Variants in LRRK2 observed in about 807,000 individuals in gnomAD.
The protein encoded by LRRK2 is leucine-rich repeat serine/threonine-protein kinase 2.
A neutral mutation model predicts 302.6 loss-of-function variants in LRRK2; 203 were observed. The ratio of observed to expected loss-of-function variants is 0.67; its 90% CI spans 0.60 to 0.75. LRRK2 has a LOEUF of 0.75. Among genes scored for constraint, LRRK2 ranks in the 30% least tolerant of loss-of-function variants. The pLI is 0.00. For synonymous variants in LRRK2, 1,066 were observed against 1,031.9 expected (o/e 1.03, Z -0.63); for missense variants, 2,830 against 2,951.0 (o/e 0.96, Z 0.95).
At chr12:40,359,610 A>G (rs1374548894) in intron 47 of LRRK2, among the ~76,000 whole-genome samples, 166 bp downstream of exon 47, 2 of 152,192 alleles carry the variant, frequency 1.3e-5, no homozygotes, top group Admixed American at 6.5e-5. Context: ...TGAAAATTCC[A>G]GAAAGCAGAA....
chr12:40,354,389 A>G lies in LRRK2; in HGVS notation c.6667A>G (p.Thr2223Ala), dbSNP rs972191294. Reference protein sequence around the residue: ...SWIVSGTQSGTLLVINTEDGK... With the variant: ...SWIVSGTQSGALLVINTEDGK... Reference sequence around the variant, plus strand: ...GATTGTGTCTGGGACACAGTCTGGTACTCTCCTGGTCATCAATACCGAAGA... The same window carrying G: ...GATTGTGTCTGGGACACAGTCTGGTGCTCTCCTGGTCATCAATACCGAAGA... Residue 2223 changes from threonine (T) to alanine (A), a missense_variant, in exon 45 of 51, where the codon ACT (threonine) becomes GCT (alanine). By Grantham distance (58) the Thr-to-Ala change is moderately conservative (BLOSUM62 0). This residue lies in a region of LRRK2 where 456 missense variants were observed against 456.3 expected (regional missense o/e 1.00). Transcript: ENST00000298910. 3 of 1,613,994 alleles carry G rather than the reference A, an allele frequency of 1.9e-6. No individual in the cohort carries two copies. Among genetic ancestry groups the G allele is most frequent in the South Asian group, 2.2e-5 (2 of 91,082 alleles).
At chr12:40,246,358 T>C (rs1388599) in intron 7 of LRRK2, among the ~76,000 whole-genome samples, 13,029 of 152,102 alleles carry the variant, frequency 0.086, 897 homozygotes, top group Middle Eastern at 0.12. Flanking sequence ...TGGTCATTTA[T>C]TAGATTTTTA....
At chr12:40,261,704 G>A (rs934798364) in intron 13 of LRRK2, among the ~76,000 whole-genome samples, 1 of 152,014 alleles carries the variant, frequency 6.6e-6, no homozygotes, top group Non-Finnish European at 1.5e-5. Flanking sequence ...ATATGATTCT[G>A]GTTTGAACAT....
At chr12:40,308,403 T>C in intron 28 of LRRK2, 64 bp from the exon 29 acceptor site, 1 of 1,250,026 alleles carries the variant, frequency 8.0e-7, no homozygotes, top group Non-Finnish European at 1.1e-6. Flanking sequence ...GTAAAAGAAC[T>C]CACCTAAATC....
At chr12:40,230,668 C>CTTTTTTTTTTT (rs3057613) in intron 2 of LRRK2, among the ~76,000 whole-genome samples, 1 of 135,330 alleles carries the variant, frequency 7.4e-6, no homozygotes, top group African/African-American at 2.7e-5. Context: ...TGCACTTTCT[C>CTTTTTTTTTTT]TTTTTTTTTT....
chr12:40,277,731 A>G (rs898560440), intron 16 of LRRK2, among the ~76,000 whole-genome samples, 157 bp from the exon 17 acceptor site: 2 of 152,156 alleles, frequency 1.3e-5, no homozygotes, highest in African/African-American at 4.8e-5. Context: ...GGGAGTATTT[A>G]TTTACAGGAT....
At position 40,287,513 on chromosome 12, in the gene LRRK2, C is replaced by G; in HGVS notation, c.2663C>G (p.Ala888Gly). ...IPDSSMDSVF[A>G]QSDDLDSEGS... ...GACTCTTCTATGGACAGTGTGTTTG[C>G]TCAAAGTGATGACCTGGATAGTGAA... Residue 888 changes from alanine (A) to glycine (G), a missense_variant, in exon 20 of 51, where the codon GCT (alanine) becomes GGT (glycine). Physicochemically the swap from Ala to Gly is moderately conservative, Grantham distance 60. Around this residue, in one of 3 missense-constraint regions of LRRK2, gnomAD observed 2,121 missense variants for 2,148.0 expected, o/e 0.99. Coordinates refer to ENST00000298910, the MANE Select transcript of LRRK2 (RefSeq NM_198578.4). The G allele has an allele frequency of 6.2e-7, 1 of 1,612,380 alleles. No homozygotes were observed. The highest frequency in any genetic ancestry group is 8.5e-7 in the Non-Finnish European group (1 of 1,178,932).
chr12:40,363,060 A>G (rs1229316968), intron 47 of LRRK2, among the ~76,000 whole-genome samples: 2 of 152,104 alleles, frequency 1.3e-5, no homozygotes, highest in African/African-American at 4.8e-5. Context: ...AAAGTTACAG[A>G]TATAATATTT....
At position 40,354,291 on chromosome 12, in the gene LRRK2, C is replaced by T. The variant is rs573145752; in HGVS notation, c.6577-8C>T. ...AATCCTGCTAAGTATATTTTCTTTT[C>T]TTAACAGGAAGTTGCTGATAGTAGA... On this transcript the variant is annotated splice_region_variant and splice_polypyrimidine_tract_variant and intron_variant, in intron 44 of 50. Coordinates refer to ENST00000298910, the MANE Select transcript of LRRK2 (RefSeq NM_198578.4). 1 of 1,612,484 alleles carries T rather than the reference C, an allele frequency of 6.2e-7. No individual in the cohort carries two copies. Among genetic ancestry groups the T allele is most frequent in the South Asian group, 1.1e-5 (1 of 90,814 alleles).
Position 40,287,353 on chromosome 12 carries a change from A to G in LRRK2, c.2503A>G (p.Ile835Val), listed in dbSNP as rs200557762. 7.4e-6 allele frequency: 12 copies of G among 1,611,402 alleles called. No individual in the cohort carries two copies. Among genetic ancestry groups the G allele is most frequent in the Non-Finnish European group, 8.5e-6 (10 of 1,178,262 alleles). ...GCTGGTGTATCTCTTATTTTCAGAT[A>G]TAGCATCTACACTAGCAAGAATGGT... ...KTSNLRKQTN[I>V]ASTLARMVIR... Residue 835 changes from isoleucine to valine, a missense_variant and splice_region_variant, in exon 20 of 51, where the codon ATA becomes GTA. Around this residue, in one of 3 missense-constraint regions of LRRK2, gnomAD observed 2,121 missense variants for 2,148.0 expected, o/e 0.99. Transcript: ENST00000298910.
At chr12:40,323,685 A>C (rs1435868683) in intron 38 of LRRK2, among the ~76,000 whole-genome samples, 1 of 152,170 alleles carries the variant, frequency 6.6e-6, no homozygotes, top group African/African-American at 2.4e-5. Context: ...ACCTCAGTGT[A>C]GCCATAGCAG....
At chr12:40,301,111 G>A in intron 25 of LRRK2, 1 of 456,592 alleles carries the variant, frequency 2.2e-6, no homozygotes, top group Non-Finnish European at 4.4e-6. Flanking sequence ...ATGGACCCCA[G>A]TTCAAAATCT....
rs143210432 is a variant in LRRK2 at position 40,331,518 on chromosome 12, C to T, written c.5757+3058C>T. ...GTCCAATCTTTTGGCTTCCCTGGGC[C>T]GTATTGGAAGAAGAATTGCCTTGGG... On this transcript the variant is annotated intron_variant, in intron 39 of 50. Transcript: ENST00000298910. Among the ~76,000 whole-genome samples the T allele has an allele frequency of 4.1e-3, 624 of 151,754 alleles. 9 individuals carry two copies. Among genetic ancestry groups the T allele is most frequent in the African/African-American group, 0.014 (595 of 41,310 alleles).
chr12:40,245,656 A>C (rs1941947103), intron 7 of LRRK2, among the ~76,000 whole-genome samples: 2 of 152,118 alleles, frequency 1.3e-5, no homozygotes, highest in South Asian at 4.1e-4. Context: ...ACATCTTTAC[A>C]TTATAATTTC....
At chr12:40,244,818 G>A (rs1458571825) in intron 7 of LRRK2, among the ~76,000 whole-genome samples, 1 of 151,420 alleles carries the variant, frequency 6.6e-6, no homozygotes, top group Non-Finnish European at 1.5e-5. Context: ...CACCAACATG[G>A]CACATGTATA....
At chr12:40,279,460 C>T (rs1256103877) in intron 18 of LRRK2, among the ~76,000 whole-genome samples, 1 of 151,984 alleles carries the variant, frequency 6.6e-6, no homozygotes, top group Admixed American at 6.5e-5. Flanking sequence ...AAAATAGTTG[C>T]TCCGCTTTAC....
rs201321281 is a variant in LRRK2, at chr12:40,225,045, C to G, written c.-87C>G. The G allele has an allele frequency of 1.5e-5, 24 of 1,559,578 alleles. No homozygotes were observed. Among genetic ancestry groups the G allele is most frequent in the African/African-American group, 2.7e-5 (2 of 73,782 alleles). ...GCGGGCGGTGAGCTGAGCTCGCCCC[C>G]GGGGAGCTGTGGCCGGCGCCCCTGC... is the stretch of plus-strand genomic sequence containing the variant. On this transcript the variant is annotated 5_prime_UTR_variant, in exon 1 of 51. Transcript: ENST00000298910.
rs377067588 is a variant in LRRK2, at chr12:40,298,539, G to T, written c.3347+46G>T. 1.5e-5 allele frequency: 24 copies of T among 1,606,024 alleles called. No individual in the cohort carries two copies. The Middle Eastern group carries it at 6.6e-4, about 44-fold the overall frequency. ...AATAAAAGGGTTGCCTAAATATGCT[G>T]ATGTTAACAAAATATGCTGACATTT... On this transcript the variant is annotated intron_variant, in intron 24 of 50. Transcript: ENST00000298910.
At chr12:40,348,557 A>T (rs199493662) in intron 43 of LRRK2, 48 bp downstream of exon 43, 8 of 1,090,472 alleles carry the variant, frequency 7.3e-6, no homozygotes, top group South Asian at 5.2e-5. Context: ...TCATTTGCAT[A>T]TATGCATATA....
Sources: allele counts gnomAD v4.1 joint callset (sites outside exome capture counted in the v4.1 genomes callset), GRCh38; gene constraint gnomAD v4.1.1; regional missense constraint gnomAD v4.1.1; transcripts MANE v1.5; gene names NCBI Gene and HGNC (gene_info 2026-07-23, HGNC 2026-07-21).